The following SLC45A4 variants were observed in gnomAD, a reference collection of about 807,000 sequenced individuals.
The protein encoded by SLC45A4 is solute carrier family 45 member 4, also known as polyamine-transporter SLC45A4.
A neutral mutation model predicts 63.7 loss-of-function variants in SLC45A4; 32 were observed. That is an observed-to-expected ratio of 0.50 (90% CI 0.38 to 0.67). SLC45A4 has a LOEUF of 0.67. SLC45A4 is among the 30% of genes least tolerant of loss of function. SLC45A4 has a pLI of 0.00. For synonymous variants in SLC45A4, 535 were observed against 510.0 expected (o/e 1.05, Z -0.66); for missense variants, 1,027 against 1,157.7 (o/e 0.89, Z 1.64).
intron 1 of SLC45A4, among the ~76,000 whole-genome samples, chr8:141,307,313 C>T (rs1418081699): frequency 6.6e-6 from 1 of 152,098 alleles, no homozygotes; most frequent in Non-Finnish European, 1.5e-5. Flanking sequence ...GAATCTGGGC[C>T]CGGATGAACT....
At chr8:141,291,776 G>C (rs1334942176) in intron 1 of SLC45A4, among the ~76,000 whole-genome samples, 1 of 152,248 alleles carries the variant, frequency 6.6e-6, no homozygotes, top group Admixed American at 6.5e-5. Context: ...GTGTGAGCTT[G>C]TTGTGAACCC....
At chr8:141,293,536 A>T (rs1217834002) in intron 1 of SLC45A4, among the ~76,000 whole-genome samples, 2 of 152,260 alleles carry the variant, frequency 1.3e-5, no homozygotes, top group Non-Finnish European at 2.9e-5. Context: ...CACTGAAGAC[A>T]GTGTGGCAAT....
chr8:141,262,787 A>G (rs1271048859), intron 1 of SLC45A4, among the ~76,000 whole-genome samples: 1 of 150,698 alleles, frequency 6.6e-6, no homozygotes, highest in Admixed American at 6.6e-5. Context: ...TAGTTCAACC[A>G]TTGTGGAAGT....
chr8:141,264,110 G>A (rs1425515364), intron 1 of SLC45A4, among the ~76,000 whole-genome samples: 1 of 152,326 alleles, frequency 6.6e-6, no homozygotes, highest in East Asian at 1.9e-4. Context: ...GAACGCAAGA[G>A]CATGTCCCGG....
At chr8:141,239,951 C>A (rs1021608048) in intron 2 of SLC45A4, among the ~76,000 whole-genome samples, 1 of 152,180 alleles carries the variant, frequency 6.6e-6, no homozygotes, top group Non-Finnish European at 1.5e-5. Flanking sequence ...TTTAAAACTT[C>A]CAGTGTTTTG....
At chr8:141,275,156 C>T (rs1489220549) in intron 1 of SLC45A4, among the ~76,000 whole-genome samples, 2 of 152,146 alleles carry the variant, frequency 1.3e-5, no homozygotes, top group Non-Finnish European at 2.9e-5. Flanking sequence ...CCTCGTGGTC[C>T]CCCATTTTCT....
intron 2 of SLC45A4, among the ~76,000 whole-genome samples, chr8:141,222,794 C>CA (rs1826731546): frequency 6.6e-6 from 1 of 152,190 alleles, no homozygotes; most frequent in Non-Finnish European, 1.5e-5. Flanking sequence ...AAGGACCCTC[C>CA]ACTGTGAGAA....
chr8:141,270,396 C>T (rs944965158), intron 1 of SLC45A4, among the ~76,000 whole-genome samples: 12 of 148,268 alleles, frequency 8.1e-5, no homozygotes, highest in Non-Finnish European at 1.6e-4. Context: ...AAAAAAGGCT[C>T]GGCGCGGTAG....
At chr8:141,297,609 C>T (rs1382672717) in intron 1 of SLC45A4, among the ~76,000 whole-genome samples, 1 of 152,254 alleles carries the variant, frequency 6.6e-6, no homozygotes, top group Non-Finnish European at 1.5e-5. Context: ...AGCACACAGC[C>T]TGGCTGCTGC....
chr8:141,236,087 G>C (rs1400878222), intron 2 of SLC45A4, among the ~76,000 whole-genome samples: 1 of 152,198 alleles, frequency 6.6e-6, no homozygotes, highest in Non-Finnish European at 1.5e-5. Context: ...CTGGGCGACA[G>C]AGCAAGACTC....
chr8:141,276,432 T>C (rs1283375853), intron 1 of SLC45A4, among the ~76,000 whole-genome samples: 1 of 152,158 alleles, frequency 6.6e-6, no homozygotes, highest in Non-Finnish European at 1.5e-5. Context: ...TGCACTGAGG[T>C]GCTAGTGGGT....
At chr8:141,220,932 C>T (rs1826582260) in intron 3 of SLC45A4, among the ~76,000 whole-genome samples, 1 of 152,240 alleles carries the variant, frequency 6.6e-6, no homozygotes, top group South Asian at 2.1e-4. Flanking sequence ...TCAGAGGCAT[C>T]GCCTGTTGGC....
intron 2 of SLC45A4, among the ~76,000 whole-genome samples, chr8:141,239,603 C>CACGCAT (rs200117076): frequency 6.6e-6 from 1 of 152,170 alleles, no homozygotes; most frequent in Non-Finnish European, 1.5e-5. Flanking sequence ...CACACACGCA[C>CACGCAT]GCACACACAC....
At position 141,227,309 on chromosome 8, in the gene SLC45A4, G is replaced by A. The variant is rs532233432; in HGVS notation, c.242-5544C>T. On this transcript the variant is annotated intron_variant, in intron 2 of 8. Coordinates refer to ENST00000517878, the MANE Select transcript of SLC45A4 (RefSeq NM_001286646.2). This position sits in a 1 kb window ranked among gnomAD's most constrained non-coding sequence, Gnocchi z 4.4. ...GTGATAAACTGGGACTTTCTGGTGA[G>A]GGGAGACTGGCGGGGGGTGGGGAGG... 2.4e-4 allele frequency among the ~76,000 whole-genome samples: 37 copies of A among 152,302 alleles called. No individual in the cohort carries two copies. The South Asian group carries it at 7.0e-3, about 29-fold the overall frequency.
chr8:141,218,581 C>G lies in SLC45A4; in HGVS notation c.1059G>C (p.Lys353Asn). The change falls in exon 5 of 9, where the codon AAG (lysine) becomes AAC (asparagine). Residue 353 changes from lysine (K) to asparagine (N), a missense_variant. Physicochemically the swap from Lys to Asn is moderately conservative, Grantham distance 94. Transcript: ENST00000517878. ...TPRSTSQELAKTKLPRLATFL... is the reference protein window; with the variant it reads ...TPRSTSQELANTKLPRLATFL... ...AGGTGGCCAGGCGGGGCAGCTTGGT[C>G]TTGGCGAGCTCCTGGCTGGTGCTGC... 4 of 1,613,516 alleles carry G rather than the reference C, an allele frequency of 2.5e-6. No individual in the cohort carries two copies. The highest frequency in any genetic ancestry group is 3.4e-6 in the Non-Finnish European group (4 of 1,179,928).
rs1014333875 is a variant in SLC45A4 at position 141,210,132 on chromosome 8, G to C, written c.*1440C>G. On this transcript the variant is annotated 3_prime_UTR_variant, in exon 9 of 9. Coordinates refer to ENST00000517878, the MANE Select transcript of SLC45A4 (RefSeq NM_001286646.2). Reference sequence around the variant, plus strand: ...AGAAACCAGCTAAGACGGGAGCTGCGCCTCGAGATCCTGACAAGTACAGCC... The same window carrying C: ...AGAAACCAGCTAAGACGGGAGCTGCCCCTCGAGATCCTGACAAGTACAGCC... 1 of 152,254 alleles carries C rather than the reference G, an allele frequency of 6.6e-6. No individual in the cohort carries two copies. Among genetic ancestry groups the C allele is most frequent in the East Asian group, 1.9e-4 (1 of 5,200 alleles). The allele number at this position is 152,254 out of a possible 1,614,324, so 9.4% of individuals were successfully genotyped here. A position where few individuals can be genotyped will look rare whatever the true frequency, so the allele number is the denominator to read the frequency against.
At chr8:141,253,376 T>C (rs1425205548) in intron 2 of SLC45A4, 1 of 206,088 alleles carries the variant, frequency 4.9e-6, no homozygotes, top group Non-Finnish European at 1.0e-5. Flanking sequence ...TGCGTGCCTG[T>C]GAATTTCCAT....
chr8:141,219,732 C>T lies in SLC45A4; in HGVS notation c.528G>A (p.Glu176=), dbSNP rs1181542672. The change falls in exon 4 of 9, where the codon GAG becomes GAA. Residue 176 remains glutamate, a synonymous_variant. Coordinates refer to ENST00000517878, the MANE Select transcript of SLC45A4 (RefSeq NM_001286646.2). ...CCAGCAGATAGGCACGGATGGGCCC[C>T]TCGGTGGCATCGGCGCTGAAGTCCA... ...VVLDFSADAT[E]GPIRAYLLDV... 1 of 1,608,536 alleles carries T rather than the reference C, an allele frequency of 6.2e-7. No individual in the cohort carries two copies. Among genetic ancestry groups the T allele is most frequent in the Admixed American group, 1.7e-5 (1 of 59,434 alleles).
intron 1 of SLC45A4, among the ~76,000 whole-genome samples, chr8:141,305,297 C>T (rs532685476): frequency 3.3e-5 from 5 of 152,216 alleles, no homozygotes; most frequent in South Asian, 2.1e-4. Flanking sequence ...CCACTGCAGA[C>T]GCCTGCTTTT....
Sources: gnomAD v4.1 joint callset for allele counts (sites outside exome capture counted in the v4.1 genomes callset) on GRCh38, gnomAD v4.1.1 for gene constraint, Gnocchi (gnomAD v3.1) non-coding constraint, MANE v1.5 for transcripts, NCBI Gene and HGNC (gene_info 2026-07-23, HGNC 2026-07-21) for gene names.